Variants in ITSN1 observed in about 807,000 individuals in gnomAD.
ITSN1 encodes intersectin-1.
A neutral mutation model predicts 239.8 loss-of-function variants in ITSN1; 58 were observed. That is an observed-to-expected ratio of 0.24 (90% confidence interval 0.20 to 0.30). The LOEUF is 0.30. Among genes scored for constraint, ITSN1 ranks in the 10% least tolerant of loss-of-function variants. ITSN1 has a pLI of 1.00. For synonymous variants in ITSN1, 780 were observed against 770.8 expected (o/e 1.01, Z -0.20); for missense variants, 1,558 against 2,103.3 (o/e 0.74, Z 5.07).
intron 8 of ITSN1, among the ~76,000 whole-genome samples, chr21:33,760,951 T>G (rs898394739): frequency 1.4e-4 from 22 of 152,206 alleles, no homozygotes; most frequent in African/African-American, 4.6e-4. Context: ...TAAGGCCACT[T>G]TCATACCAGA....
chr21:33,871,751 A>G (rs1982789564), intron 33 of ITSN1, among the ~76,000 whole-genome samples: 1 of 146,878 alleles, frequency 6.8e-6, no homozygotes, highest in Admixed American at 6.8e-5. Flanking sequence ...AAAAAAAAAA[A>G]AGAAAAGATA....
At chr21:33,837,429 C>G (rs1346836824) in intron 29 of ITSN1, 2 of 986,686 alleles carry the variant, frequency 2.0e-6, no homozygotes, top group Non-Finnish European at 2.4e-6. Flanking sequence ...GCTGCATGTG[C>G]TATTAAAAAT....
rs1986727078 is a variant in ITSN1, at chr21:33,895,673, TTGTGTGTGCGTGCATATGTGTA to T, written c.*7384_*7405del. 1 of 147,416 alleles carries T rather than the reference TTGTGTGTGCGTGCATATGTGTA, an allele frequency of 6.8e-6. No homozygotes were observed. Among genetic ancestry groups the T allele is most frequent in the Non-Finnish European group, 1.5e-5 (1 of 66,750 alleles). 9.1% of individuals were successfully genotyped at this position (147,416 alleles called of 1,614,324 possible). A position where few individuals can be genotyped will look rare whatever the true frequency, so the allele number is the denominator to read the frequency against. ...TATGTGCGTGTATGCATGTGCATGT[TTGTGTGTGCGTGCATATGTGTA>T]TGTGTGTGCGCGTGCGTGTGCGTGC... On this transcript the variant is annotated 3_prime_UTR_variant, in exon 40 of 40. Coordinates refer to ENST00000381318, the MANE Select transcript of ITSN1 (RefSeq NM_003024.3).
intron 12 of ITSN1, among the ~76,000 whole-genome samples, chr21:33,773,314 A>G (rs2069324431): frequency 6.6e-6 from 1 of 151,904 alleles, no homozygotes; most frequent in Non-Finnish European, 1.5e-5. Flanking sequence ...GGCCCATGCA[A>G]CCTTCTTTTT....
At chr21:33,823,007 C>T (rs1461466251) in intron 24 of ITSN1, among the ~76,000 whole-genome samples, 1 of 152,162 alleles carries the variant, frequency 6.6e-6, no homozygotes, top group Non-Finnish European at 1.5e-5. Context: ...TGCTATCTAA[C>T]AATTTTTTAA....
chr21:33,867,729 C>G (rs779481510), intron 33 of ITSN1, among the ~76,000 whole-genome samples: 24 of 151,940 alleles, frequency 1.6e-4, no homozygotes, highest in Non-Finnish European at 4.4e-5. Context: ...CGCAGACCCT[C>G]GCGGTGAGTG....
intron 31 of ITSN1, among the ~76,000 whole-genome samples, chr21:33,860,646 C>T (rs1021417995): frequency 6.6e-6 from 1 of 152,208 alleles, no homozygotes; most frequent in Non-Finnish European, 1.5e-5. Flanking sequence ...CCTGTTACGG[C>T]TGAAGCAGCA....
At chr21:33,850,044 A>C (rs2075109283) in intron 29 of ITSN1, among the ~76,000 whole-genome samples, 1 of 152,204 alleles carries the variant, frequency 6.6e-6, no homozygotes. Flanking sequence ...CAGGAATTCC[A>C]GTGCCCATTA....
intron 1 of ITSN1, among the ~76,000 whole-genome samples, chr21:33,702,336 C>T (rs529028427): frequency 1.1e-4 from 17 of 151,932 alleles, no homozygotes; most frequent in African/African-American, 3.9e-4. Context: ...AGGCTGGTCT[C>T]GAACACCTGA....
At chr21:33,834,725 T>C (rs28517722) in intron 28 of ITSN1, among the ~76,000 whole-genome samples, 1 of 152,170 alleles carries the variant, frequency 6.6e-6, no homozygotes, top group South Asian at 2.1e-4. Context: ...TCCAGCCATT[T>C]AAATTGGGGT....
chr21:33,662,755 C>T (rs191587046), intron 1 of ITSN1, among the ~76,000 whole-genome samples: 2 of 152,154 alleles, frequency 1.3e-5, no homozygotes, highest in African/African-American at 4.8e-5. Context: ...CACACTGCCC[C>T]TCATGTCACA....
chr21:33,803,013 G>A (rs1382563978), intron 20 of ITSN1, among the ~76,000 whole-genome samples: 1 of 152,208 alleles, frequency 6.6e-6, no homozygotes, highest in Non-Finnish European at 1.5e-5. Context: ...AATTGGCAGA[G>A]GGTGGGAAGG....
At position 33,774,897 on chromosome 21, in the gene ITSN1, T is replaced by C. The variant is rs1290693122; in HGVS notation, c.1455+19T>C. The C allele has an allele frequency of 1.2e-6, 2 of 1,607,130 alleles. No individual in the cohort carries two copies. Among genetic ancestry groups the C allele is most frequent in the Admixed American group, 1.7e-5 (1 of 58,536 alleles). On this transcript the variant is annotated intron_variant, in intron 13 of 39. Coordinates refer to ENST00000381318, the MANE Select transcript of ITSN1 (RefSeq NM_003024.3). ...AGCTCTAGTGAGTGAAGTTTGGTTATACTTTGAAAATATACTAAGATGGAA... is the reference window on the plus strand; with the variant it reads ...AGCTCTAGTGAGTGAAGTTTGGTTACACTTTGAAAATATACTAAGATGGAA...
At chr21:33,756,588 C>T (rs767666967) in intron 8 of ITSN1, among the ~76,000 whole-genome samples, 4 of 152,062 alleles carry the variant, frequency 2.6e-5, no homozygotes, top group South Asian at 2.1e-4. Flanking sequence ...CAGAGTTGGA[C>T]GAGATTTTGA....
At position 33,784,953 on chromosome 21, in the gene ITSN1, T is replaced by C. The variant is rs1457179527; in HGVS notation, c.1824+2820T>C. Among the ~76,000 whole-genome samples the C allele has an allele frequency of 5.9e-5, 9 of 152,302 alleles. No homozygotes were observed. The South Asian group carries it at 1.0e-3, about 18-fold the overall frequency. ...GTTGATGCAAAAATTACTTCTGCCTTCCTGGGATGTGTCATTTCACACATC... is the reference window on the plus strand; with the variant it reads ...GTTGATGCAAAAATTACTTCTGCCTCCCTGGGATGTGTCATTTCACACATC... On this transcript the variant is annotated intron_variant, in intron 16 of 39. Transcript: ENST00000381318.
In ITSN1 at chr21:33,882,404, C is replaced by T. The variant is rs149248570; in HGVS notation, c.4503C>T (p.Thr1501=). The T allele has an allele frequency of 4.9e-5, 79 of 1,613,932 alleles. No homozygotes were observed. The highest frequency in any genetic ancestry group is 2.6e-4 in the South Asian group (24 of 91,074). ...CGAAGCCTTTGGGGTCTTCTGGCAC[C>T]GACAAAGTCTTCAGCCCCAAATCAA... ...QITKPLGSSG[T]DKVFSPKSNL... is the part of the protein sequence containing the mutation. The change falls in exon 35 of 40, where the codon ACC becomes ACT. Residue 1501 remains threonine, a synonymous_variant. Coordinates refer to ENST00000381318, the MANE Select transcript of ITSN1 (RefSeq NM_003024.3). The surrounding 1 kb of genome is among the most constrained non-coding windows in gnomAD (Gnocchi z 4.5).
chr21:33,860,308 A>C (rs1980239074), intron 31 of ITSN1, among the ~76,000 whole-genome samples: 1 of 149,196 alleles, frequency 6.7e-6, no homozygotes. Context: ...ACCCTGTCTC[A>C]AAAAAAGAAA....
At chr21:33,876,102 C>CTTCTTTCT (rs750725563) in intron 34 of ITSN1, among the ~76,000 whole-genome samples, 28 of 110,220 alleles carry the variant, frequency 2.5e-4, no homozygotes, top group African/African-American at 4.3e-4. Flanking sequence ...TCTTTCTTTC[C>CTTCTTTCT]TTCTTTCTTT....
chr21:33,665,193 G>GT (rs1050536832), intron 1 of ITSN1, among the ~76,000 whole-genome samples: 1 of 152,126 alleles, frequency 6.6e-6, no homozygotes, highest in Non-Finnish European at 1.5e-5. Context: ...AACCTGGGAG[G>GT]TGGAGGTTGC....
Sources: gnomAD v4.1 joint callset for allele counts (sites outside exome capture counted in the v4.1 genomes callset) on GRCh38, gnomAD v4.1.1 for gene constraint, Gnocchi (gnomAD v3.1) non-coding constraint, MANE v1.5 for transcripts, NCBI Gene and HGNC (gene_info 2026-07-23, HGNC 2026-07-21) for gene names.